MTUS2: variants seen among roughly 807,000 people sequenced by gnomAD.
MTUS2 encodes microtubule associated scaffold protein 2, also known as microtubule-associated tumor suppressor candidate 2.
Under a neutral mutation model 114.1 loss-of-function variants are expected in MTUS2, and 40 were observed. The ratio of observed to expected loss-of-function variants is 0.35; its 90% CI spans 0.27 to 0.46. The LOEUF is 0.46. MTUS2 is among the 20% of genes least tolerant of loss of function. MTUS2 has a pLI of 1.00. For synonymous variants in MTUS2, 688 were observed against 672.0 expected (o/e 1.02, Z -0.37); for missense variants, 1,679 against 1,705.4 (o/e 0.98, Z 0.27).
intron 2 of MTUS2, among the ~76,000 whole-genome samples, chr13:28,865,329 G>A (rs1306935029): frequency 1.3e-5 from 2 of 152,112 alleles, no homozygotes; most frequent in African/African-American, 2.4e-5. Flanking sequence ...TAATGAGCAT[G>A]GTGCTAATGG....
At chr13:28,837,975 A>C (rs1459646625) in intron 1 of MTUS2, among the ~76,000 whole-genome samples, 1 of 149,138 alleles carries the variant, frequency 6.7e-6, no homozygotes. Context: ...GATGTGAACA[A>C]AATGACAGGT....
intron 2 of MTUS2, among the ~76,000 whole-genome samples, chr13:28,863,452 A>G (rs1293575932): frequency 6.6e-6 from 1 of 152,192 alleles, no homozygotes; most frequent in African/African-American, 2.4e-5. Flanking sequence ...GTTCTCATAT[A>G]GCCCGAGGCT....
chr13:28,935,338 G>T (rs1881848032), intron 2 of MTUS2, among the ~76,000 whole-genome samples: 1 of 152,062 alleles, frequency 6.6e-6, no homozygotes, highest in Admixed American at 6.5e-5. Context: ...TGAGTTTTAG[G>T]AGAGATTGCC....
At chr13:29,376,328 G>A (rs999441088) in intron 8 of MTUS2, among the ~76,000 whole-genome samples, 1 of 152,120 alleles carries the variant, frequency 6.6e-6, no homozygotes, top group African/African-American at 2.4e-5. Context: ...ACATCCACTT[G>A]TGGTGGTTAG....
intron 5 of MTUS2, among the ~76,000 whole-genome samples, chr13:29,241,288 C>CT (rs35218244): frequency 0.19 from 29,196 of 152,130 alleles, 3,178 homozygotes; most frequent in East Asian, 0.48. Context: ...TTCATGGAGA[C>CT]TTTAAGTGAA....
At chr13:28,865,256 C>G (rs572429501) in intron 2 of MTUS2, among the ~76,000 whole-genome samples, 1 of 152,112 alleles carries the variant, frequency 6.6e-6, no homozygotes, top group Non-Finnish European at 1.5e-5. Flanking sequence ...CTAATAAGCA[C>G]TGTTAAAGAT....
At chr13:29,220,235 A>G (rs547753583) in intron 5 of MTUS2, among the ~76,000 whole-genome samples, 8 of 152,162 alleles carry the variant, frequency 5.3e-5, no homozygotes, top group Non-Finnish European at 1.2e-4. Context: ...TCCTGACCTC[A>G]GATGATCTGG....
chr13:29,272,963 T>C (rs996164921), intron 5 of MTUS2, among the ~76,000 whole-genome samples: 29 of 152,050 alleles, frequency 1.9e-4, no homozygotes, highest in African/African-American at 6.8e-4. Flanking sequence ...TGTCCTCATA[T>C]GGCAGAAGGA....
chr13:29,116,288 T>C (rs1483450733), intron 5 of MTUS2, among the ~76,000 whole-genome samples: 3 of 152,218 alleles, frequency 2.0e-5, no homozygotes, highest in Non-Finnish European at 2.9e-5. Flanking sequence ...CCTAAATATA[T>C]GCAATAAATT....
At chr13:29,176,483 C>T (rs1019563456) in intron 5 of MTUS2, among the ~76,000 whole-genome samples, 2 of 152,166 alleles carry the variant, frequency 1.3e-5, no homozygotes, top group African/African-American at 2.4e-5. Flanking sequence ...TCTTAGTCCA[C>T]TTGGGCTGCT....
intron 6 of MTUS2, among the ~76,000 whole-genome samples, chr13:29,302,310 C>T (rs1034824961): frequency 1.3e-5 from 2 of 152,186 alleles, no homozygotes; most frequent in Admixed American, 6.5e-5. Flanking sequence ...TGTGCAACCC[C>T]ACCTGGAAAA....
chr13:29,367,233 T>C (rs2138275741), intron 8 of MTUS2, among the ~76,000 whole-genome samples: 1 of 152,014 alleles, frequency 6.6e-6, no homozygotes, highest in South Asian at 2.1e-4. Context: ...AAGGATCACA[T>C]AGGACCTCAG....
chr13:29,048,201 TC>T (rs1887725004), intron 4 of MTUS2, among the ~76,000 whole-genome samples: 1 of 152,222 alleles, frequency 6.6e-6, no homozygotes, highest in African/African-American at 2.4e-5. Flanking sequence ...GACATTTTTT[TC>T]TCTACAGTTC....
chr13:29,289,727 A>C (rs1306812389), intron 6 of MTUS2, among the ~76,000 whole-genome samples: 1 of 151,936 alleles, frequency 6.6e-6, no homozygotes, highest in Non-Finnish European at 1.5e-5. Flanking sequence ...GGCCTCCCAA[A>C]GTGCTGGGAT....
intron 4 of MTUS2, among the ~76,000 whole-genome samples, chr13:29,091,797 G>A (rs1349593208): frequency 6.6e-6 from 1 of 152,144 alleles, no homozygotes; most frequent in Non-Finnish European, 1.5e-5. Flanking sequence ...TTCCAATTTA[G>A]TTCAGCATTA....
rs1882555608 is a variant in MTUS2, at chr13:29,496,433, AGAGG to A, written c.3580-801_3580-798del. On this transcript the variant is annotated intron_variant, in intron 12 of 15. Coordinates refer to ENST00000612955, the MANE Select transcript of MTUS2 (RefSeq NM_001033602.4). This position sits in a 1 kb window ranked among gnomAD's most constrained non-coding sequence, Gnocchi z 4.3. ...TGGGAGCCAGAGTGAAGCGGGAGTG[AGAGG>A]GAGCTGGCTGGAGGTAGGCACTGCC... 6.5e-6 allele frequency: 1 copy of A among 153,674 alleles called. No homozygotes were observed. The highest frequency in any genetic ancestry group is 2.4e-5 in the African/African-American group (1 of 41,402). The allele number at this position is 153,674 out of a possible 1,614,324, so 9.5% of individuals were successfully genotyped here. A position where few individuals can be genotyped will look rare whatever the true frequency, so the allele number is the denominator to read the frequency against.
At chr13:29,008,911 C>A (rs1885716821) in intron 2 of MTUS2, among the ~76,000 whole-genome samples, 1 of 151,346 alleles carries the variant, frequency 6.6e-6, no homozygotes, top group South Asian at 2.1e-4. Flanking sequence ...TGGTAATTTT[C>A]TCCTTTTGTT....
At chr13:29,209,182 C>T (rs556776441) in intron 5 of MTUS2, among the ~76,000 whole-genome samples, 1 of 152,034 alleles carries the variant, frequency 6.6e-6, no homozygotes, top group African/African-American at 2.4e-5. Context: ...TGTAATATTC[C>T]TCTTCGTCTT....
At chr13:29,285,371 TA>T (rs1898437621) in intron 6 of MTUS2, among the ~76,000 whole-genome samples, 1 of 152,230 alleles carries the variant, frequency 6.6e-6, no homozygotes, top group South Asian at 2.1e-4. Flanking sequence ...TTTATAAAAG[TA>T]TTCCAGCTAA....
Sources: allele counts gnomAD v4.1 joint callset (sites outside exome capture counted in the v4.1 genomes callset), GRCh38; gene constraint gnomAD v4.1.1; non-coding constraint Gnocchi (gnomAD v3.1); transcripts MANE v1.5; gene names NCBI Gene and HGNC (gene_info 2026-07-23, HGNC 2026-07-21).